The following AKAP13 variants were observed in gnomAD, a reference collection of about 807,000 sequenced individuals.
AKAP13 encodes A-kinase anchor protein 13.
AKAP13 carries 80 observed loss-of-function variants against 264.5 expected under a neutral mutation model. That is an observed-to-expected ratio of 0.30 (90% confidence interval 0.25 to 0.36). The LOEUF is 0.36. Among genes scored for constraint, AKAP13 ranks in the 10% least tolerant of loss-of-function variants. The pLI is 1.00. For missense variants in AKAP13, 3,712 were observed against 3,435.2 expected (o/e 1.08, Z -2.01); for synonymous variants, 1,380 against 1,250.2 (o/e 1.10, Z -2.19).
At chr15:85,666,694 G>A (rs941849152) in intron 13 of AKAP13, among the ~76,000 whole-genome samples, 3 of 152,208 alleles carry the variant, frequency 2.0e-5, no homozygotes, top group African/African-American at 4.8e-5. Flanking sequence ...CATTACAGGT[G>A]TGAGCCACTG....
At chr15:85,669,882 T>C (rs1057341141) in intron 14 of AKAP13, 52 bp downstream of exon 14, 3 of 1,355,024 alleles carry the variant, frequency 2.2e-6, no homozygotes, top group East Asian at 5.1e-5. Context: ...TTAACCACTC[T>C]TCCTATTATT....
chr15:85,416,195 A>C (rs1014038316), intron 1 of AKAP13, among the ~76,000 whole-genome samples: 8 of 152,252 alleles, frequency 5.3e-5, no homozygotes, highest in Non-Finnish European at 1.0e-4. Context: ...ATGGACACAT[A>C]ATATTTAGTT....
intron 8 of AKAP13, among the ~76,000 whole-genome samples, chr15:85,602,768 G>A (rs1447098836): frequency 6.6e-6 from 1 of 152,318 alleles, no homozygotes; most frequent in South Asian, 2.1e-4. Flanking sequence ...GATTACAGGC[G>A]TGAGCCACTG....
At chr15:85,453,218 CT>C (rs1430064634) in intron 1 of AKAP13, among the ~76,000 whole-genome samples, 1 of 152,178 alleles carries the variant, frequency 6.6e-6, no homozygotes, top group East Asian at 1.9e-4. Context: ...GGCCGAGAGG[CT>C]TTTAGTTGCC....
At chr15:85,717,013 T>A in intron 20 of AKAP13, 1 of 359,814 alleles carries the variant, frequency 2.8e-6, no homozygotes, top group South Asian at 3.4e-5. Context: ...AATGTGTACA[T>A]GGTTTGATGG....
intron 1 of AKAP13, among the ~76,000 whole-genome samples, chr15:85,454,242 C>T (rs935508700): frequency 6.6e-6 from 1 of 152,188 alleles, no homozygotes; most frequent in Admixed American, 6.5e-5. Context: ...GTATCTAAGG[C>T]TCCAGGGTCT....
chr15:85,730,775 G>T, intron 30 of AKAP13, 68 bp downstream of exon 30: 1 of 1,389,550 alleles, frequency 7.2e-7, no homozygotes, highest in Non-Finnish European at 9.7e-7. Flanking sequence ...AATATTACCT[G>T]CCAGTTTTTA....
intron 8 of AKAP13, among the ~76,000 whole-genome samples, chr15:85,615,147 T>C (rs563891304): frequency 1.6e-4 from 24 of 152,358 alleles, no homozygotes; most frequent in Middle Eastern, 6.8e-3. Flanking sequence ...CATATTAGTT[T>C]GTTGTTATTT....
chr15:85,677,663 TGAGATG>T (rs2084314283), intron 14 of AKAP13, among the ~76,000 whole-genome samples: 1 of 144,536 alleles, frequency 6.9e-6, no homozygotes, highest in Non-Finnish European at 1.5e-5. Context: ...TTTTTTTTTT[TGAGATG>T]GAGATGGAGT....
intron 2 of AKAP13, among the ~76,000 whole-genome samples, chr15:85,519,115 A>C (rs562011256): frequency 6.6e-6 from 1 of 152,162 alleles, no homozygotes; most frequent in Admixed American, 6.5e-5. Flanking sequence ...TTTCCTGTAA[A>C]AGTCCAGATA....
At chr15:85,503,118 T>C (rs548292564) in intron 2 of AKAP13, among the ~76,000 whole-genome samples, 4 of 152,190 alleles carry the variant, frequency 2.6e-5, no homozygotes, top group Non-Finnish European at 5.9e-5. Flanking sequence ...CTTTATGTCG[T>C]GGTAAGGGGA....
chr15:85,400,721 C>T (rs2071380908), intron 1 of AKAP13, among the ~76,000 whole-genome samples: 2 of 151,968 alleles, frequency 1.3e-5, no homozygotes. Flanking sequence ...GTAAGGTGAT[C>T]TCTTGGCACT....
chr15:85,419,016 C>T (rs1036267519), intron 1 of AKAP13, among the ~76,000 whole-genome samples: 17 of 152,116 alleles, frequency 1.1e-4, no homozygotes, highest in African/African-American at 3.4e-4. Context: ...TCAAGGATGC[C>T]ACCCTTAAGG....
intron 8 of AKAP13, among the ~76,000 whole-genome samples, chr15:85,612,495 C>T (rs1439315275): frequency 6.6e-6 from 1 of 152,004 alleles, no homozygotes; most frequent in Non-Finnish European, 1.5e-5. Context: ...GTTGTGAATT[C>T]ATTTGAATTG....
intron 8 of AKAP13, among the ~76,000 whole-genome samples, chr15:85,609,580 G>A (rs1185901236): frequency 2.6e-5 from 4 of 152,202 alleles, no homozygotes; most frequent in Non-Finnish European, 4.4e-5. Context: ...AAACATGAGA[G>A]TGAATACTGA....
At chr15:85,725,552 G>T (rs1192615514) in intron 26 of AKAP13, among the ~76,000 whole-genome samples, 1 of 152,212 alleles carries the variant, frequency 6.6e-6, no homozygotes, top group Non-Finnish European at 1.5e-5. Flanking sequence ...TAGCTTTGCA[G>T]TGAATTCCAC....
chr15:85,485,593 T>A (rs72754528), intron 1 of AKAP13, 117 bp from the exon 2 acceptor site: 9,137 of 803,144 alleles, frequency 0.011, 83 homozygotes, highest in Non-Finnish European at 0.015. Flanking sequence ...CATATGGTAA[T>A]CTCGGGCACG....
chr15:85,719,022 G>A, intron 22 of AKAP13, 54 bp from the exon 23 acceptor site: 1 of 1,597,146 alleles, frequency 6.3e-7, no homozygotes, highest in Non-Finnish European at 8.5e-7. Context: ...GATCTTTGAG[G>A]GCGAATGCTT....
chr15:85,453,068 G>T (rs760203009), intron 1 of AKAP13, among the ~76,000 whole-genome samples: 1 of 152,206 alleles, frequency 6.6e-6, no homozygotes, highest in Non-Finnish European at 1.5e-5. Flanking sequence ...GCCGTCAGAG[G>T]TGTGTGGGAC....
Sources: gnomAD v4.1 joint callset for allele counts (sites outside exome capture counted in the v4.1 genomes callset) on GRCh38, gnomAD v4.1.1 for gene constraint, MANE v1.5 for transcripts, NCBI Gene and HGNC (gene_info 2026-07-23, HGNC 2026-07-21) for gene names.